The following JAM3 variants were observed in gnomAD, a reference collection of about 807,000 sequenced individuals.
The protein encoded by JAM3 is junctional adhesion molecule C.
A neutral mutation model predicts 39.4 loss-of-function variants in JAM3; 31 were observed. The observed-to-expected ratio is 0.79, with a 90% CI of 0.59 to 1.06. The LOEUF (loss-of-function observed/expected upper bound fraction) is 1.06, where lower values mean the gene tolerates loss of function less well. Among genes scored for constraint, JAM3 ranks in the 50% least tolerant of loss-of-function variants. The pLI is 0.00. For missense variants in JAM3, 455 were observed against 391.4 expected (o/e 1.16, Z -1.37); for synonymous variants, 182 against 148.7 (o/e 1.22, Z -1.63).
At chr11:134,073,365 G>A (rs1482555843) in intron 1 of JAM3, among the ~76,000 whole-genome samples, 1 of 152,192 alleles carries the variant, frequency 6.6e-6, no homozygotes. Flanking sequence ...CTATTTAATA[G>A]AGTTAGGACT....
intron 6 of JAM3, among the ~76,000 whole-genome samples, chr11:134,147,591 T>A (rs1434412799): frequency 3.3e-5 from 5 of 151,488 alleles, no homozygotes; most frequent in South Asian, 2.1e-4. Flanking sequence ...GGTTCACACC[T>A]TTCTCCTGCC....
intron 1 of JAM3, among the ~76,000 whole-genome samples, chr11:134,082,400 A>T (rs1941681237): frequency 6.6e-6 from 1 of 152,218 alleles, no homozygotes; most frequent in East Asian, 1.9e-4. Flanking sequence ...GGGTGGAATG[A>T]TATGGTTTGG....
chr11:134,144,751 C>A, intron 4 of JAM3, 41 bp from the exon 5 acceptor site: 1 of 1,530,792 alleles, frequency 6.5e-7, no homozygotes, highest in Non-Finnish European at 9.0e-7. Flanking sequence ...GAATAGAGCC[C>A]TGTCACTGAG....
intron 1 of JAM3, among the ~76,000 whole-genome samples, chr11:134,090,018 G>T (rs1339532406): frequency 1.3e-5 from 2 of 152,170 alleles, no homozygotes; most frequent in East Asian, 1.9e-4. Context: ...GTGTGAGATG[G>T]TATCTCACTG....
intron 1 of JAM3, among the ~76,000 whole-genome samples, chr11:134,099,634 GCT>G: frequency 6.6e-6 from 1 of 152,212 alleles, no homozygotes; most frequent in South Asian, 2.1e-4. Flanking sequence ...ACAGAATCTC[GCT>G]CTGTCACCCG....
chr11:134,138,545 A>G (rs1942914985), intron 1 of JAM3, among the ~76,000 whole-genome samples: 2 of 152,248 alleles, frequency 1.3e-5, no homozygotes, highest in Non-Finnish European at 2.9e-5. Context: ...TGGCCTTGGT[A>G]GAGACTCGGA....
intron 1 of JAM3, among the ~76,000 whole-genome samples, chr11:134,129,917 G>A (rs760250446): frequency 8.6e-5 from 13 of 152,010 alleles, no homozygotes; most frequent in South Asian, 4.2e-4. Context: ...CAGGAGAATC[G>A]CTTAAACATG....
intron 8 of JAM3, 43 bp from the exon 9 acceptor site, chr11:134,149,103 C>T (rs1224239513): frequency 3.1e-6 from 5 of 1,613,146 alleles, no homozygotes; most frequent in East Asian, 2.2e-5. Flanking sequence ...CCCTGCTTGC[C>T]ACCAGGCCCC....
chr11:134,111,133 CTTTTTTTTTTTTT>C (rs71038561), intron 1 of JAM3, among the ~76,000 whole-genome samples: 3 of 86,744 alleles, frequency 3.5e-5, no homozygotes, highest in Non-Finnish European at 2.1e-5. Flanking sequence ...ACACATCCAT[CTTTTTTTTTTTTT>C]TTTTTTTTTT....
rs1418531524 is a variant in JAM3, at chr11:134,129,159, GC to G, written c.77-10689del. Among the ~76,000 whole-genome samples, 4 of 141,296 alleles carry G rather than the reference GC, an allele frequency of 2.8e-5. No individual in the cohort carries two copies. The East Asian group carries it at 8.3e-4, about 29-fold the overall frequency. 92.7% of individuals were successfully genotyped at this position (141,296 alleles called of 152,430 possible). A position where few individuals can be genotyped will look rare whatever the true frequency, so the allele number is the denominator to read the frequency against. On this transcript the variant is annotated intron_variant, in intron 1 of 8. Transcript: ENST00000299106. ...TTTTTTGACAGAGTCTCGCTCTGTT[GC>G]CCAGGTTGGAGTGCAGTGGCGTGAT...
chr11:134,092,646 T>G (rs1385274006), intron 1 of JAM3, among the ~76,000 whole-genome samples: 1 of 137,050 alleles, frequency 7.3e-6, no homozygotes, highest in East Asian at 2.3e-4. Flanking sequence ...ATTCATCATG[T>G]TCCATCTTAC....
Position 134,148,768 on chromosome 11 carries a change from A to G in JAM3, c.847A>G (p.Lys283Glu), listed in dbSNP as rs1183202976. The change falls in exon 8 of 9, where the codon AAG (lysine) becomes GAG (glutamate). Residue 283 changes from lysine (K) to glutamate (E), a missense_variant. Lys to Glu is a moderately conservative substitution (Grantham distance 56). Coordinates refer to ENST00000299106, the MANE Select transcript of JAM3 (RefSeq NM_032801.5). ...INNKQDGESY[K>E]NPGKPDGVNY... ...ACTGCTCTCTTCTCCTCATAGTTAC[A>G]AGAACCCAGGGAAACCAGATGGAGT... 6.2e-7 allele frequency: 1 copy of G among 1,614,174 alleles called. No homozygotes were observed.
Position 134,088,452 on chromosome 11 carries a change from C to G in JAM3, c.76+19293C>G, listed in dbSNP as rs1286660348. Reference sequence around the variant, plus strand: ...AGGTTTGGCTTCATTGTATCTGTATCAATCCCAAAAGGTAGAAAACCAAGT... The same window carrying G: ...AGGTTTGGCTTCATTGTATCTGTATGAATCCCAAAAGGTAGAAAACCAAGT... On this transcript the variant is annotated intron_variant, in intron 1 of 8. Coordinates refer to ENST00000299106, the MANE Select transcript of JAM3 (RefSeq NM_032801.5). Among the ~76,000 whole-genome samples the G allele has an allele frequency of 3.3e-5, 5 of 151,636 alleles. No homozygotes were observed. In the East Asian group the frequency reaches 7.7e-4, roughly 23 times the overall value.
At chr11:134,092,168 G>C (rs183122323) in intron 1 of JAM3, among the ~76,000 whole-genome samples, 1 of 152,236 alleles carries the variant, frequency 6.6e-6, no homozygotes, top group Admixed American at 6.5e-5. Context: ...GCTCAGTGTA[G>C]TTCTGCTCCC....
At chr11:134,107,680 T>A (rs1441156108) in intron 1 of JAM3, among the ~76,000 whole-genome samples, 1 of 151,952 alleles carries the variant, frequency 6.6e-6, no homozygotes, top group African/African-American at 2.4e-5. Context: ...CTGGGCAACA[T>A]AGCAAGTCCC....
In JAM3 at chr11:134,096,212, C is replaced by A. The variant is rs187666382; in HGVS notation, c.76+27053C>A. Among the ~76,000 whole-genome samples, 186 of 152,278 alleles carry A rather than the reference C, an allele frequency of 1.2e-3. 1 individual carries two copies. Among genetic ancestry groups the A allele is most frequent in the Non-Finnish European group, 2.1e-3 (141 of 68,024 alleles). On this transcript the variant is annotated intron_variant, in intron 1 of 8. Coordinates refer to ENST00000299106, the MANE Select transcript of JAM3 (RefSeq NM_032801.5). The stretch of plus-strand genomic sequence containing the variant: ...GTCTCTGGTCTCGAACTCCTGGCTT[C>A]AAGTGATCCTCCTGCCTCGGCCTGG...
intron 1 of JAM3, among the ~76,000 whole-genome samples, chr11:134,137,075 T>C (rs1011706433): frequency 2.0e-5 from 3 of 148,944 alleles, no homozygotes; most frequent in African/African-American, 7.5e-5. Context: ...GTTGCGCCAC[T>C]GCACTCCAGC....
chr11:134,073,105 A>G (rs1463959009), intron 1 of JAM3, among the ~76,000 whole-genome samples: 1 of 152,224 alleles, frequency 6.6e-6, no homozygotes, highest in Non-Finnish European at 1.5e-5. Context: ...CAAGGACAGT[A>G]TCCACTGTGG....
At chr11:134,119,753 A>T (rs1238044293) in intron 1 of JAM3, among the ~76,000 whole-genome samples, 2 of 151,376 alleles carry the variant, frequency 1.3e-5, no homozygotes, top group Non-Finnish European at 3.0e-5. Context: ...TCACAAATTT[A>T]AATGTTAATC....
Sources: allele counts gnomAD v4.1 joint callset (sites outside exome capture counted in the v4.1 genomes callset), GRCh38; gene constraint gnomAD v4.1.1; transcripts MANE v1.5; gene names NCBI Gene and HGNC (gene_info 2026-07-23, HGNC 2026-07-21).